The following PRPF38A variants were observed in gnomAD, a reference collection of about 807,000 sequenced individuals.
PRPF38A encodes the protein pre-mRNA processing factor 38A.
A neutral mutation model predicts 46.8 loss-of-function variants in PRPF38A; 11 were observed. That is an observed-to-expected ratio of 0.24 (90% CI 0.15 to 0.39). The LOEUF is 0.39. PRPF38A is among the 10% of genes least tolerant of loss of function. PRPF38A has a pLI of 1.00. For synonymous variants in PRPF38A, 124 were observed against 136.2 expected (o/e 0.91, Z 0.62); for missense variants, 261 against 407.5 (o/e 0.64, Z 3.10).
At chr1:52,416,583 A>T (rs1230539305) in intron 9 of PRPF38A, 65 bp from the exon 10 acceptor site, 2 of 1,297,220 alleles carry the variant, frequency 1.5e-6, no homozygotes, top group Non-Finnish European at 2.2e-6. Flanking sequence ...TGCTGGGATT[A>T]CAGGCGTGAG....
intron 4 of PRPF38A, 123 bp downstream of exon 4, chr1:52,411,323 T>C: frequency 1.5e-6 from 1 of 653,760 alleles, no homozygotes; most frequent in South Asian, 1.9e-5. Flanking sequence ...TAATGAATAG[T>C]CTTCCTGTCT....
chr1:52,415,256 G>T, intron 8 of PRPF38A, 82 bp from the exon 9 acceptor site: 2 of 1,377,674 alleles, frequency 1.5e-6, no homozygotes, highest in South Asian at 2.5e-5. Context: ...TTAAGCCAAT[G>T]GCAGGTATTA....
intron 3 of PRPF38A, among the ~76,000 whole-genome samples, chr1:52,410,488 C>CAT (rs911964795): frequency 3.4e-5 from 5 of 148,776 alleles, no homozygotes; most frequent in Non-Finnish European, 7.4e-5. Flanking sequence ...CACACACACA[C>CAT]ATATATATAG....
chr1:52,416,413 A>G (rs927829998), intron 9 of PRPF38A, among the ~76,000 whole-genome samples: 1 of 151,708 alleles, frequency 6.6e-6, no homozygotes, highest in Non-Finnish European at 1.5e-5. Flanking sequence ...GGTTCAAGCA[A>G]TTCTCCTGTC....
In PRPF38A at chr1:52,417,460, C is replaced by T. The variant is rs1648324347; in HGVS notation, c.*770C>T. 6.6e-6 allele frequency: 1 copy of T among 152,168 alleles called. No individual in the cohort carries two copies. Among genetic ancestry groups the T allele is most frequent in the Admixed American group, 6.5e-5 (1 of 15,272 alleles). 9.4% of individuals were successfully genotyped at this position (152,168 alleles called of 1,614,324 possible). ...GGAGAGGAAAGTATCTAATATTAGT[C>T]ATGGTTTTGACCTAAATTGCTAGAC... On this transcript the variant is annotated 3_prime_UTR_variant, in exon 10 of 10. Transcript: ENST00000257181.
intron 2 of PRPF38A, among the ~76,000 whole-genome samples, chr1:52,407,921 T>C (rs1648042879): frequency 6.6e-6 from 1 of 152,260 alleles, no homozygotes; most frequent in Non-Finnish European, 1.5e-5. Context: ...CTGGGTGTGT[T>C]GGCACATGCC....
Position 52,405,763 on chromosome 1 carries a change from T to G in PRPF38A, c.214T>G (p.Cys72Gly). The change falls in exon 2 of 10, where the codon TGT becomes GGT. Residue 72 changes from cysteine to glycine, a missense_variant. Transcript: ENST00000257181. ...GGNIKPTPFL[C>G]LTLKMLQIQP... Reference sequence around the variant, plus strand: ...CAACATAAAACCAACACCCTTTCTGTGTTTAACCTTGAAGATGCTTCAAAT... The same window carrying G: ...CAACATAAAACCAACACCCTTTCTGGGTTTAACCTTGAAGATGCTTCAAAT... The G allele has an allele frequency of 6.2e-7, 1 of 1,614,136 alleles. No homozygotes were observed. The highest frequency in any genetic ancestry group is 8.5e-7 in the Non-Finnish European group (1 of 1,179,988).
chr1:52,414,603 T>C lies in PRPF38A; in HGVS notation c.723-18T>C, dbSNP rs1354837834. On this transcript the variant is annotated intron_variant, in intron 6 of 9. Transcript: ENST00000257181. Reference sequence around the variant, plus strand: ...CAGTGCGCCAACCTAGGCTTTCTTCTTCCTCTCCTCTTTATAGGCGGAGTC... The same window carrying C: ...CAGTGCGCCAACCTAGGCTTTCTTCCTCCTCTCCTCTTTATAGGCGGAGTC... 6.2e-7 allele frequency: 1 copy of C among 1,612,770 alleles called. No homozygotes were observed. Among genetic ancestry groups the C allele is most frequent in the Non-Finnish European group, 8.5e-7 (1 of 1,179,984 alleles).
intron 7 of PRPF38A, 55 bp downstream of exon 7, chr1:52,414,702 T>C (rs1253286237): frequency 2.5e-6 from 4 of 1,613,084 alleles, no homozygotes; most frequent in Non-Finnish European, 2.5e-6. Flanking sequence ...GGGGTGGTGG[T>C]ATTGGTGTTA....
rs561192115 is a variant in PRPF38A, at chr1:52,411,868, T to C, written c.499-646T>C. On this transcript the variant is annotated intron_variant, in intron 4 of 9. Transcript: ENST00000257181. ...ACCTACTTTGAGGGCCCAATTCTTA[T>C]AGCAAGACAATGTCTTGCTGTGTTG... Among the ~76,000 whole-genome samples the C allele has an allele frequency of 2.6e-4, 39 of 152,286 alleles. No individual in the cohort carries two copies. The South Asian group carries it at 4.2e-3, about 16-fold the overall frequency.
At chr1:52,410,653 C>T (rs898150076) in intron 3 of PRPF38A, among the ~76,000 whole-genome samples, 16 of 151,950 alleles carry the variant, frequency 1.1e-4, no homozygotes, top group Admixed American at 1.0e-3. Context: ...ATGTGCCCAC[C>T]ACCATGCCCA....
rs757744360 is a variant in PRPF38A, at chr1:52,412,516, A to G, written c.501A>G (p.Lys167=). 1.9e-5 allele frequency: 30 copies of G among 1,609,926 alleles called. No homozygotes were observed. The South Asian group carries it at 3.3e-4, about 18-fold the overall frequency. The part of the protein sequence containing the change: ...VCDIILPRLQ[K]RYVLEEAEQL... ...AACTCTCATCATTTTCTCTGTAGAA[A>G]CGCTATGTATTAGAGGAAGCTGAGC... is the stretch of plus-strand genomic sequence containing the variant. Residue 167 remains lysine, a splice_region_variant and synonymous_variant, in exon 5 of 10, where the codon AAA becomes AAG. Transcript: ENST00000257181.
intron 2 of PRPF38A, among the ~76,000 whole-genome samples, chr1:52,406,152 C>A (rs1171975399): frequency 6.6e-6 from 1 of 152,078 alleles, no homozygotes; most frequent in Non-Finnish European, 1.5e-5. Context: ...TCACGCCTGG[C>A]TAATTTTTGT....
intron 9 of PRPF38A, 25 bp from the exon 10 acceptor site, chr1:52,416,619 ATAAT>A: frequency 6.3e-7 from 1 of 1,588,778 alleles, no homozygotes. Flanking sequence ...GCTTCTTAAT[ATAAT>A]TATTTATATG....
At chr1:52,408,433 TCTAC>T in intron 2 of PRPF38A, 132 bp from the exon 3 acceptor site, 1 of 1,179,792 alleles carries the variant, frequency 8.5e-7, no homozygotes, top group Admixed American at 1.7e-5. Flanking sequence ...TCTGCTGCAT[TCTAC>T]CTCCACAATT....
intron 3 of PRPF38A, 98 bp from the exon 4 acceptor site, chr1:52,411,017 C>A: frequency 1.2e-6 from 1 of 804,284 alleles, no homozygotes; most frequent in South Asian, 1.6e-5. Context: ...AGGCCTAGCA[C>A]ATAGATGTCC....
At chr1:52,408,259 A>G in intron 2 of PRPF38A, 1 of 429,446 alleles carries the variant, frequency 2.3e-6, no homozygotes, top group Non-Finnish European at 4.5e-6. Flanking sequence ...AATAAAATTC[A>G]GTATTTCTTT....
rs1021135528 is a variant in PRPF38A, at chr1:52,417,314, A to G, written c.*624A>G. 1 of 152,384 alleles carries G rather than the reference A, an allele frequency of 6.6e-6. No homozygotes were observed. The highest frequency in any genetic ancestry group is 2.4e-5 in the African/African-American group (1 of 41,452). The allele number at this position is 152,384 out of a possible 1,614,324, so 9.4% of individuals were successfully genotyped here. ...ATACAGCCCATTTTTTCATAGTTTC[A>G]TTTGTTCTTGCCCACAAGCTTGAAA... On this transcript the variant is annotated 3_prime_UTR_variant, in exon 10 of 10. Coordinates refer to ENST00000257181, the MANE Select transcript of PRPF38A (RefSeq NM_032864.4).
At position 52,418,619 on chromosome 1, in the gene PRPF38A, G is replaced by A. The variant is rs1180863320; in HGVS notation, c.*1929G>A. Reference sequence around the variant, plus strand: ...GCCAATCAATAGCAGGAAAGAGAATGTCCCTATTCTTTAATTAGAAGAAGG... The same window carrying A: ...GCCAATCAATAGCAGGAAAGAGAATATCCCTATTCTTTAATTAGAAGAAGG... On this transcript the variant is annotated 3_prime_UTR_variant, in exon 10 of 10. Transcript: ENST00000257181. 6.6e-6 allele frequency: 1 copy of A among 152,164 alleles called. No homozygotes were observed. Among genetic ancestry groups the A allele is most frequent in the South Asian group, 2.1e-4 (1 of 4,832 alleles). 9.4% of individuals were successfully genotyped at this position (152,164 alleles called of 1,614,324 possible). A position where few individuals can be genotyped will look rare whatever the true frequency, so the allele number is the denominator to read the frequency against.
Sources: allele counts gnomAD v4.1 joint callset (sites outside exome capture counted in the v4.1 genomes callset), GRCh38; gene constraint gnomAD v4.1.1; transcripts MANE v1.5; gene names NCBI Gene and HGNC (gene_info 2026-07-23, HGNC 2026-07-21).